The following INPP5D variants were observed in gnomAD, a reference collection of about 807,000 sequenced individuals.
The protein encoded by INPP5D is phosphatidylinositol 3,4,5-trisphosphate 5-phosphatase 1.
Under a neutral mutation model 122.9 loss-of-function variants are expected in INPP5D, and 33 were observed. That is an observed-to-expected ratio of 0.27 (90% CI 0.20 to 0.36). The LOEUF (loss-of-function observed/expected upper bound fraction) is 0.36, where lower values mean the gene tolerates loss of function less well. Among genes scored for constraint, INPP5D ranks in the 10% least tolerant of loss-of-function variants. INPP5D has a pLI of 1.00. For synonymous variants in INPP5D, 584 were observed against 576.2 expected, an observed-to-expected ratio of 1.01 and a Z score of -0.19; for missense variants, 1,053 against 1,412.7, an observed-to-expected ratio of 0.75 and a Z score of 4.08.
chr2:233,119,449 CT>C (rs1692901275), intron 2 of INPP5D, among the ~76,000 whole-genome samples: 2 of 152,146 alleles, frequency 1.3e-5, no homozygotes, highest in Admixed American at 1.3e-4. Context: ...ACTCATGTTA[CT>C]TTTTAGAGGC....
chr2:233,149,416 T>A (rs1693864387), intron 9 of INPP5D, among the ~76,000 whole-genome samples: 1 of 152,104 alleles, frequency 6.6e-6, no homozygotes, highest in Admixed American at 6.5e-5. Flanking sequence ...TTGTTCTTAA[T>A]AAAGTCGTAT....
chr2:233,108,034 T>G (rs1248652462), intron 2 of INPP5D, among the ~76,000 whole-genome samples: 1 of 151,856 alleles, frequency 6.6e-6, no homozygotes, highest in Non-Finnish European at 1.5e-5. Flanking sequence ...AGTGCCAGTT[T>G]CCCCCCTCCC....
At chr2:233,138,371 A>G (rs1463142903) in intron 5 of INPP5D, among the ~76,000 whole-genome samples, 1 of 151,994 alleles carries the variant, frequency 6.6e-6, no homozygotes. Context: ...AATATGAACA[A>G]AATTCCCAAC....
At chr2:233,092,833 C>A (rs1432354169) in intron 2 of INPP5D, among the ~76,000 whole-genome samples, 5 of 152,212 alleles carry the variant, frequency 3.3e-5, no homozygotes, top group African/African-American at 7.2e-5. Context: ...CCATCACTGT[C>A]AGTGGCTCCC....
chr2:233,134,357 A>G (rs1370588450), intron 5 of INPP5D, among the ~76,000 whole-genome samples: 1 of 151,974 alleles, frequency 6.6e-6, no homozygotes, highest in Non-Finnish European at 1.5e-5. Context: ...GAGAGTGTAG[A>G]CAGAGGAGAA....
intron 3 of INPP5D, among the ~76,000 whole-genome samples, chr2:233,123,452 C>CAA (rs34144613): frequency 0.022 from 2,647 of 117,668 alleles, 56 homozygotes; most frequent in African/African-American, 0.051. Flanking sequence ...GACTCCGTCT[C>CAA]AAAAAAAAAA....
In INPP5D at chr2:233,128,117, T is replaced by C. The variant is rs1261232377; in HGVS notation, c.524+2198T>C. Reference sequence around the variant, plus strand: ...GCTCTGCCTCCTGTCAGATCAGCGGTGGCATTAGATTCTCATGAGTGTGAA... The same window carrying C: ...GCTCTGCCTCCTGTCAGATCAGCGGCGGCATTAGATTCTCATGAGTGTGAA... On this transcript the variant is annotated intron_variant, in intron 4 of 26. Transcript: ENST00000445964. The surrounding 1 kb of genome is among the most constrained non-coding windows in gnomAD (Gnocchi z 4.5). Among the ~76,000 whole-genome samples, 1 of 152,186 alleles carries C rather than the reference T, an allele frequency of 6.6e-6. No individual in the cohort carries two copies. The highest frequency in any genetic ancestry group is 2.4e-5 in the African/African-American group (1 of 41,446).
intron 17 of INPP5D, among the ~76,000 whole-genome samples, chr2:233,176,205 G>A (rs1694620682): frequency 1.3e-5 from 2 of 152,148 alleles, no homozygotes; most frequent in African/African-American, 4.8e-5. Context: ...CATCATTGCA[G>A]CCTGAGGCCC....
chr2:233,131,149 A>T, intron 5 of INPP5D: 1 of 979,374 alleles, frequency 1.0e-6, no homozygotes, highest in Non-Finnish European at 1.2e-6. Flanking sequence ...TGTCCGATCC[A>T]TTGAATGACC....
At position 233,071,709 on chromosome 2, in the gene INPP5D, T is replaced by C. The variant is rs560035492; in HGVS notation, c.135-7626T>C. 9.2e-5 allele frequency among the ~76,000 whole-genome samples: 14 copies of C among 152,334 alleles called. No homozygotes were observed. In the South Asian group the frequency reaches 2.7e-3, roughly 29 times the overall value. ...TTTAAATTTTGTAATTTTCTTCATA[T>C]AGATCCTGCATATTTATTGTTATAA... On this transcript the variant is annotated intron_variant, in intron 1 of 26. Coordinates refer to ENST00000445964, the MANE Select transcript of INPP5D (RefSeq NM_001017915.3).
intron 2 of INPP5D, among the ~76,000 whole-genome samples, chr2:233,103,644 G>C (rs1336439821): frequency 6.6e-6 from 1 of 151,906 alleles, no homozygotes. Context: ...CTGTATCCTG[G>C]CTGCCTGCCG....
Position 233,169,312 on chromosome 2 carries a change from G to A in INPP5D, c.1563G>A (p.Lys521=), listed in dbSNP as rs1175829851. ...TTCTGCTCTTCTTTTTAGGGAACAA[G>A]GGAGCCGTGGGGGTGTCGTTCATGT... ...KTGIANTLGN[K]GAVGVSFMFN... Residue 521 remains lysine (K), a synonymous_variant, in exon 14 of 27, where the codon AAG becomes AAA. Coordinates refer to ENST00000445964, the MANE Select transcript of INPP5D (RefSeq NM_001017915.3). 3 of 1,602,662 alleles carry A rather than the reference G, an allele frequency of 1.9e-6. No individual in the cohort carries two copies. The highest frequency in any genetic ancestry group is 1.1e-5 in the South Asian group (1 of 88,716).
At chr2:233,086,119 CTCTTTCTTTCTTTCTTTCTTTCTT>C (rs10539341) in intron 2 of INPP5D, among the ~76,000 whole-genome samples, 242 of 93,914 alleles carry the variant, frequency 2.6e-3, no homozygotes, top group East Asian at 7.8e-3. Flanking sequence ...ATAAGATAGC[CTCTTTCTTTCTTTCTTTCTTTCTT>C]TCTTTCTTTC....
intron 2 of INPP5D, among the ~76,000 whole-genome samples, chr2:233,093,422 T>C (rs1388026735): frequency 6.6e-6 from 1 of 152,200 alleles, no homozygotes; most frequent in Non-Finnish European, 1.5e-5. Flanking sequence ...GGCTCATGCC[T>C]GTAATTTCAG....
At chr2:233,182,355 C>A (rs1281131761) in intron 18 of INPP5D, 55 bp from the exon 19 acceptor site, 10 of 1,606,984 alleles carry the variant, frequency 6.2e-6, no homozygotes, top group Non-Finnish European at 8.5e-6. Flanking sequence ...CCATCCTTGG[C>A]CTGACCGGAA....
chr2:233,113,262 G>A (rs1008830054), intron 2 of INPP5D, among the ~76,000 whole-genome samples: 1 of 152,112 alleles, frequency 6.6e-6, no homozygotes, highest in Non-Finnish European at 1.5e-5. Context: ...TATCCCAGCT[G>A]CTCCCTCGTC....
intron 5 of INPP5D, among the ~76,000 whole-genome samples, chr2:233,137,854 ATATATATATATATATAT>A (rs1283557340): frequency 0.016 from 141 of 8,894 alleles, 15 homozygotes; most frequent in African/African-American, 0.04. Flanking sequence ...AAAAAAAAAA[ATATATATATATATATAT>A]ATATATATAT....
At chr2:233,122,622 G>A (rs572202237) in intron 3 of INPP5D, among the ~76,000 whole-genome samples, 1 of 152,158 alleles carries the variant, frequency 6.6e-6, no homozygotes, top group Admixed American at 6.5e-5. Context: ...GGGCAACATA[G>A]GCAATCCTGT....
intron 22 of INPP5D, 50 bp from the exon 23 acceptor site, chr2:233,193,762 G>A: frequency 6.2e-7 from 1 of 1,612,666 alleles, no homozygotes; most frequent in Non-Finnish European, 8.5e-7. Flanking sequence ...TGGTGTTTCT[G>A]CCATGAAAAG....
Sources: gnomAD v4.1 joint callset for allele counts (sites outside exome capture counted in the v4.1 genomes callset) on GRCh38, gnomAD v4.1.1 for gene constraint, Gnocchi (gnomAD v3.1) non-coding constraint, MANE v1.5 for transcripts, NCBI Gene and HGNC (gene_info 2026-07-23, HGNC 2026-07-21) for gene names.